IRAK1BP1: variants seen among roughly 807,000 people sequenced by gnomAD.
IRAK1BP1 encodes interleukin-1 receptor-associated kinase 1-binding protein 1.
In IRAK1BP1, 24 loss-of-function variants were observed where a neutral mutation model predicts 28.0. The ratio of observed to expected loss-of-function variants is 0.86; its 90% CI spans 0.62 to 1.20. IRAK1BP1 has a LOEUF of 1.20. IRAK1BP1 is among the 50% of genes most tolerant of loss of function. The probability of loss-of-function intolerance (pLI) is 0.00; values close to 1 mark genes in which losing one functional copy is unlikely to be tolerated. For missense variants in IRAK1BP1, 336 were observed against 316.7 expected (o/e 1.06, Z -0.46); for synonymous variants, 131 against 116.3 (o/e 1.13, Z -0.81).
downstream of IRAK1BP1, chr6:78,947,875 C>T: frequency 1.4e-6 from 1 of 736,298 alleles, no homozygotes; most frequent in Non-Finnish European, 2.3e-6. Context: ...ACTGCAAGTC[C>T]TAGAACTCTT....
downstream of IRAK1BP1, among the ~76,000 whole-genome samples, chr6:78,947,189 C>A (rs994740730): frequency 4.6e-5 from 7 of 152,122 alleles, no homozygotes; most frequent in African/African-American, 1.7e-4. Context: ...AATGTTTGAA[C>A]CTGTTTTCTA....
At chr6:78,965,976 G>A in the IRAK1BP1 span, 1 of 1,610,870 alleles carries the variant, frequency 6.2e-7, no homozygotes, top group Non-Finnish European at 8.5e-7. Flanking sequence ...AGACTATCAG[G>A]GTACTCAAGT....
chr6:78,905,340 C>G (rs1216555828), downstream of IRAK1BP1, among the ~76,000 whole-genome samples: 1 of 152,170 alleles, frequency 6.6e-6, no homozygotes, highest in African/African-American at 2.4e-5. Context: ...ACATGAAGCT[C>G]TGAGTTTTGG....
At chr6:78,965,681 A>T in the IRAK1BP1 span, 1 of 1,393,024 alleles carries the variant, frequency 7.2e-7, no homozygotes. Flanking sequence ...ATGGAGAAAC[A>T]AAAAGCCTAA....
downstream of IRAK1BP1, among the ~76,000 whole-genome samples, chr6:78,951,192 A>C (rs940366757): frequency 3.9e-5 from 6 of 152,284 alleles, no homozygotes; most frequent in Non-Finnish European, 7.4e-5. Context: ...AAAATATAAA[A>C]ATGATTTTTT....
chr6:78,884,628 A>G (rs1335710769), intron 1 of IRAK1BP1, among the ~76,000 whole-genome samples: 1 of 152,152 alleles, frequency 6.6e-6, no homozygotes, highest in African/African-American at 2.4e-5. Context: ...TTCTCATTAA[A>G]TCTGCACAAT....
At chr6:78,947,593 G>A (rs759743455), downstream of IRAK1BP1, 4 of 1,115,008 alleles carry the variant, frequency 3.6e-6, no homozygotes, top group Non-Finnish European at 2.6e-6. Flanking sequence ...ACTTAATCTA[G>A]TCATAAAAGA....
At chr6:78,919,072 G>A (rs113851232) in intron 4 of IRAK1BP1, among the ~76,000 whole-genome samples, 1 of 151,538 alleles carries the variant, frequency 6.6e-6, no homozygotes, top group East Asian at 1.9e-4. Flanking sequence ...ACAATTACAG[G>A]GAAATTGAAC....
At chr6:78,888,297 G>C (rs1771502494) in intron 2 of IRAK1BP1, among the ~76,000 whole-genome samples, 1 of 152,154 alleles carries the variant, frequency 6.6e-6, no homozygotes, top group Non-Finnish European at 1.5e-5. Flanking sequence ...AGTTAACACA[G>C]TGTTGTGCAC....
At chr6:78,912,972 TA>T (rs1772466303) in intron 4 of IRAK1BP1, among the ~76,000 whole-genome samples, 1 of 152,162 alleles carries the variant, frequency 6.6e-6, no homozygotes. Flanking sequence ...TATAAGCATA[TA>T]TATGTGGGTG....
At chr6:78,926,267 T>C (rs1772888507) in intron 4 of IRAK1BP1, among the ~76,000 whole-genome samples, 1 of 152,192 alleles carries the variant, frequency 6.6e-6, no homozygotes, top group Non-Finnish European at 1.5e-5. Flanking sequence ...GTTTGGAGAT[T>C]TTCCAAATAA....
At chr6:78,943,947 T>C (rs1288769789) in intron 4 of IRAK1BP1, among the ~76,000 whole-genome samples, 3 of 143,810 alleles carry the variant, frequency 2.1e-5, no homozygotes, top group African/African-American at 5.3e-5. Flanking sequence ...AATCAGGCCA[T>C]TGCACTTCAG....
chr6:78,896,479 A>G (rs1334901135), intron 2 of IRAK1BP1, among the ~76,000 whole-genome samples: 1 of 152,184 alleles, frequency 6.6e-6, no homozygotes, highest in African/African-American at 2.4e-5. Flanking sequence ...CACATACTAT[A>G]TGCTTCCATT....
chr6:78,869,349 A>G (rs1470862839), intron 1 of IRAK1BP1, among the ~76,000 whole-genome samples: 1 of 151,932 alleles, frequency 6.6e-6, no homozygotes, highest in Non-Finnish European at 1.5e-5. Context: ...GCAAAACCCA[A>G]TCTCTAGTAA....
At chr6:78,920,659 G>A (rs918216495) in intron 4 of IRAK1BP1, among the ~76,000 whole-genome samples, 3 of 152,104 alleles carry the variant, frequency 2.0e-5, no homozygotes, top group Non-Finnish European at 4.4e-5. Flanking sequence ...AGACATAAAT[G>A]TAAAACCTAA....
the IRAK1BP1 span, among the ~76,000 whole-genome samples, chr6:78,965,349 C>G: frequency 6.6e-6 from 1 of 152,170 alleles, no homozygotes; most frequent in Non-Finnish European, 1.5e-5. Flanking sequence ...CCGTCTCACT[C>G]AAAAGCATGA....
the IRAK1BP1 span, among the ~76,000 whole-genome samples, chr6:78,976,182 G>A: frequency 6.7e-6 from 1 of 149,562 alleles, no homozygotes; most frequent in African/African-American, 2.4e-5. Context: ...CAGAGATATA[G>A]ATCAATGGAA....
At chr6:78,893,546 A>C (rs1771760980) in intron 2 of IRAK1BP1, among the ~76,000 whole-genome samples, 2 of 152,040 alleles carry the variant, frequency 1.3e-5, no homozygotes, top group Non-Finnish European at 2.9e-5. Flanking sequence ...AAGAGTACTG[A>C]AAATGGTAAC....
chr6:78,877,218 A>G (rs1479116126), intron 1 of IRAK1BP1, among the ~76,000 whole-genome samples: 1 of 152,128 alleles, frequency 6.6e-6, no homozygotes, highest in Non-Finnish European at 1.5e-5. Context: ...GCAGAAAAAG[A>G]ATGTTAATTA....
Sources: allele counts gnomAD v4.1 joint callset (sites outside exome capture counted in the v4.1 genomes callset), GRCh38; gene constraint gnomAD v4.1.1; transcripts MANE v1.5; gene names NCBI Gene and HGNC (gene_info 2026-07-23, HGNC 2026-07-21).